Variants in ZDHHC17 observed in about 807,000 individuals in gnomAD.
The protein encoded by ZDHHC17 is zDHHC palmitoyltransferase 17.
ZDHHC17 carries 40 observed loss-of-function variants against 90.3 expected under a neutral mutation model. The observed-to-expected ratio is 0.44, with a 90% confidence interval of 0.34 to 0.58. ZDHHC17 has a LOEUF of 0.58. ZDHHC17 is among the 20% of genes least tolerant of loss of function. The pLI, the probability that ZDHHC17 is intolerant of heterozygous loss-of-function variation, is 0.01. For synonymous variants in ZDHHC17, 235 were observed against 252.4 expected (o/e 0.93, Z 0.65); for missense variants, 614 against 780.8 (o/e 0.79, Z 2.55).
At chr12:76,790,534 G>C (rs1375151524) in intron 1 of ZDHHC17, among the ~76,000 whole-genome samples, 2 of 152,070 alleles carry the variant, frequency 1.3e-5, no homozygotes, top group African/African-American at 4.8e-5. Flanking sequence ...TCAAATGTCT[G>C]TGGAAAGACA....
chr12:76,848,223 C>G lies in ZDHHC17; in HGVS notation c.1508-10C>G, dbSNP rs879236222. On this transcript the variant is annotated splice_polypyrimidine_tract_variant and intron_variant, in intron 14 of 16. Coordinates refer to ENST00000426126, the MANE Select transcript of ZDHHC17 (RefSeq NM_015336.4). ...TTGAGTAAATACGAGTACTTCTGTT[C>G]TGGCTTTAGACTGGGGACTCCACTG... 1 of 1,613,504 alleles carries G rather than the reference C, an allele frequency of 6.2e-7. No homozygotes were observed. The highest frequency in any genetic ancestry group is 1.1e-5 in the South Asian group (1 of 91,020).
At chr12:76,824,493 A>G (rs1414855559) in intron 8 of ZDHHC17, among the ~76,000 whole-genome samples, 3 of 152,108 alleles carry the variant, frequency 2.0e-5, no homozygotes, top group Non-Finnish European at 4.4e-5. Context: ...GTCACATTGG[A>G]AAAGTTTCAG....
Position 76,809,830 on chromosome 12 carries a change from T to C in ZDHHC17, c.516T>C (p.Ile172=). 1 of 1,611,358 alleles carries C rather than the reference T, an allele frequency of 6.2e-7. No individual in the cohort carries two copies. Among genetic ancestry groups the C allele is most frequent in the East Asian group, 2.2e-5 (1 of 44,716 alleles). The change falls in exon 5 of 17, where the codon ATT becomes ATC. Residue 172 remains isoleucine (I), a synonymous_variant. Coordinates refer to ENST00000426126, the MANE Select transcript of ZDHHC17 (RefSeq NM_015336.4). ...HLAAQFGHTS[I]VAYLIAKGQD... is the part of the protein sequence containing the mutation. ...CTGCTCAGTTCGGACATACCTCAAT[T>C]GTTGCTTATCTCATAGCAAAAGGAC... is the stretch of plus-strand genomic sequence containing the variant.
At chr12:76,819,997 A>ATT (rs1953142977) in intron 7 of ZDHHC17, among the ~76,000 whole-genome samples, 3 of 144,760 alleles carry the variant, frequency 2.1e-5, no homozygotes, top group Admixed American at 1.4e-4. Flanking sequence ...ATGTCTTAAA[A>ATT]AAAAAAAAAA....
chr12:76,799,267 A>G (rs1259003118), intron 2 of ZDHHC17, among the ~76,000 whole-genome samples: 1 of 152,242 alleles, frequency 6.6e-6, no homozygotes, highest in Non-Finnish European at 1.5e-5. Context: ...AGAAGAAAGC[A>G]TAAAGTGGTA....
At chr12:76,801,454 C>A (rs149159134) in intron 2 of ZDHHC17, among the ~76,000 whole-genome samples, 1 of 151,680 alleles carries the variant, frequency 6.6e-6, no homozygotes, top group East Asian at 2.0e-4. Context: ...GAGATCGAGA[C>A]CATCCTGGCT....
At chr12:76,776,163 A>G (rs1952557182) in intron 1 of ZDHHC17, among the ~76,000 whole-genome samples, 1 of 152,166 alleles carries the variant, frequency 6.6e-6, no homozygotes, top group African/African-American at 2.4e-5. Flanking sequence ...AGCATAGCAG[A>G]CCATATATAA....
chr12:76,791,385 A>G (rs1952757644), intron 1 of ZDHHC17, among the ~76,000 whole-genome samples: 1 of 152,132 alleles, frequency 6.6e-6, no homozygotes, highest in Non-Finnish European at 1.5e-5. Context: ...TTTGTTGCCA[A>G]ATTTTTTTTG....
intron 1 of ZDHHC17, among the ~76,000 whole-genome samples, chr12:76,767,844 G>A (rs561845755): frequency 7.9e-5 from 12 of 152,124 alleles, no homozygotes; most frequent in Non-Finnish European, 1.5e-4. Context: ...GCTTGAACCC[G>A]GGAGGTGGAG....
chr12:76,820,169 A>G (rs1953146394), intron 7 of ZDHHC17, among the ~76,000 whole-genome samples: 1 of 152,004 alleles, frequency 6.6e-6, no homozygotes, highest in Admixed American at 6.6e-5. Context: ...GAAATTGTTG[A>G]AAAAAAGTTA....
At chr12:76,777,021 C>A (rs1396484323) in intron 1 of ZDHHC17, among the ~76,000 whole-genome samples, 1 of 152,138 alleles carries the variant, frequency 6.6e-6, no homozygotes, top group Non-Finnish European at 1.5e-5. Context: ...TACCTTGATT[C>A]TCCCAGTGGT....
intron 1 of ZDHHC17, chr12:76,764,802 T>A (rs1419657194): frequency 2.2e-6 from 1 of 457,166 alleles, no homozygotes; most frequent in Admixed American, 2.3e-5. Flanking sequence ...GGCATAGTGA[T>A]GTCCTTCCAG....
At chr12:76,793,191 C>T (rs554683041) in intron 1 of ZDHHC17, among the ~76,000 whole-genome samples, 1 of 152,290 alleles carries the variant, frequency 6.6e-6, no homozygotes, top group South Asian at 2.1e-4. Context: ...TTTTAATACC[C>T]AGTATCTAAA....
chr12:76,805,271 A>G (rs748662082), intron 2 of ZDHHC17, 46 bp from the exon 3 acceptor site: 1 of 1,483,026 alleles, frequency 6.7e-7, no homozygotes, highest in Non-Finnish European at 9.2e-7. Context: ...TTAACTTTAC[A>G]TTTCTTGTTA....
chr12:76,824,393 G>A (rs775957180), intron 8 of ZDHHC17, among the ~76,000 whole-genome samples: 2 of 152,082 alleles, frequency 1.3e-5, no homozygotes, highest in Admixed American at 6.5e-5. Context: ...AAGGTTGAAA[G>A]TAACCATCAT....
Position 76,767,221 on chromosome 12 carries a change from T to C in ZDHHC17, c.93+2892T>C, listed in dbSNP as rs183016875. ...GTTTTGGTGACTGATTTAAAACTTA[T>C]GTGGGTTTTAATTTAGTGGAATAGG... On this transcript the variant is annotated intron_variant, in intron 1 of 16. Transcript: ENST00000426126. 2.0e-4 allele frequency among the ~76,000 whole-genome samples: 31 copies of C among 152,334 alleles called. No homozygotes were observed. The East Asian group carries it at 3.5e-3, about 17-fold the overall frequency.
chr12:76,849,343 A>AAAAAAAAAAAAAG, intron 15 of ZDHHC17, 33 bp from the exon 16 acceptor site: 1 of 1,132,012 alleles, frequency 8.8e-7, no homozygotes, highest in Non-Finnish European at 1.2e-6. Context: ...AAAAAAAAAC[A>AAAAAAAAAAAAAG]AGAATAATGG....
At chr12:76,786,479 C>T (rs568155232) in intron 1 of ZDHHC17, among the ~76,000 whole-genome samples, 1 of 152,072 alleles carries the variant, frequency 6.6e-6, no homozygotes, top group East Asian at 1.9e-4. Context: ...TGGTCTTGAA[C>T]TCCTGAACTC....
intron 1 of ZDHHC17, among the ~76,000 whole-genome samples, chr12:76,791,830 A>G (rs142506610): frequency 0.011 from 1,614 of 152,234 alleles, 19 homozygotes; most frequent in Admixed American, 0.019. Context: ...GATAATTTGC[A>G]TAAGTTGCTC....
Sources: allele counts gnomAD v4.1 joint callset (sites outside exome capture counted in the v4.1 genomes callset), GRCh38; gene constraint gnomAD v4.1.1; transcripts MANE v1.5; gene names NCBI Gene and HGNC (gene_info 2026-07-23, HGNC 2026-07-21).